The following LSAMP variants were observed in gnomAD, a reference collection of about 807,000 sequenced individuals.
LSAMP encodes the protein limbic system associated membrane protein, also known as limbic system-associated membrane protein.
In LSAMP, 7 loss-of-function variants were observed where a neutral mutation model predicts 38.6. The observed-to-expected ratio is 0.18, with a 90% CI of 0.10 to 0.34. LSAMP has a LOEUF of 0.34. Ranked by LOEUF, LSAMP falls within the 10% of genes least tolerant of loss-of-function variation. The pLI, the probability that LSAMP is intolerant of heterozygous loss-of-function variation, is 1.00. For synonymous variants in LSAMP, 154 were observed against 166.8 expected, an observed-to-expected ratio of 0.92 and a Z score of 0.59; for missense variants, 313 against 420.0, an observed-to-expected ratio of 0.75 and a Z score of 2.23.
intron 3 of LSAMP, among the ~76,000 whole-genome samples, chr3:115,901,183 G>A (rs1230401036): frequency 2.0e-5 from 3 of 152,056 alleles, no homozygotes; most frequent in African/African-American, 7.2e-5. Flanking sequence ...TTTGGGGTCT[G>A]AGAGTCTGTG....
chr3:116,349,797 T>C (rs115119791), intron 1 of LSAMP, among the ~76,000 whole-genome samples: 2,365 of 152,098 alleles, frequency 0.016, 40 homozygotes, highest in Non-Finnish European at 0.02. Context: ...AATACTAGCT[T>C]CACACAGGGT....
intron 1 of LSAMP, among the ~76,000 whole-genome samples, chr3:116,355,787 A>G (rs1232190530): frequency 6.6e-6 from 1 of 152,246 alleles, no homozygotes; most frequent in Non-Finnish European, 1.5e-5. Context: ...ACATTTCCCA[A>G]AGAAAACATA....
intron 1 of LSAMP, among the ~76,000 whole-genome samples, chr3:116,416,230 C>A (rs139872155): frequency 8.4e-4 from 128 of 152,244 alleles, no homozygotes; most frequent in African/African-American, 3.0e-3. Flanking sequence ...TACTTAATTG[C>A]TCTCTCTCCA....
chr3:116,291,383 C>T (rs952996827), intron 1 of LSAMP, among the ~76,000 whole-genome samples: 2 of 152,148 alleles, frequency 1.3e-5, no homozygotes, highest in Admixed American at 1.3e-4. Flanking sequence ...GGGCTCTAAT[C>T]CCAGATATGC....
intron 1 of LSAMP, among the ~76,000 whole-genome samples, chr3:116,110,479 C>T (rs188739540): frequency 2.0e-5 from 3 of 152,254 alleles, no homozygotes; most frequent in African/African-American, 4.8e-5. Flanking sequence ...CTGTGACCGG[C>T]GCCGGAGTTT....
At chr3:116,126,820 C>T (rs1479418536) in intron 1 of LSAMP, among the ~76,000 whole-genome samples, 1 of 152,054 alleles carries the variant, frequency 6.6e-6, no homozygotes, top group Non-Finnish European at 1.5e-5. Flanking sequence ...TGAGATCATG[C>T]CACTGCACTC....
chr3:115,958,922 T>C (rs74585496), intron 3 of LSAMP, among the ~76,000 whole-genome samples: 25,556 of 152,142 alleles, frequency 0.17, 2,640 homozygotes, highest in Admixed American at 0.23. Context: ...AGGAGGACTG[T>C]AGGCCACCCA....
intron 6 of LSAMP, among the ~76,000 whole-genome samples, chr3:115,839,760 C>T (rs1934936142): frequency 6.6e-6 from 1 of 152,182 alleles, no homozygotes; most frequent in Non-Finnish European, 1.5e-5. Flanking sequence ...GGAAGTACAT[C>T]ATTAATCACT....
chr3:116,305,838 A>G (rs891150897), intron 1 of LSAMP, among the ~76,000 whole-genome samples: 1 of 152,006 alleles, frequency 6.6e-6, no homozygotes, highest in Non-Finnish European at 1.5e-5. Context: ...GTGTGACACA[A>G]ATAAGAAACT....
chr3:116,252,766 G>A (rs911348861), intron 1 of LSAMP, among the ~76,000 whole-genome samples: 8 of 152,214 alleles, frequency 5.3e-5, no homozygotes, highest in African/African-American at 1.7e-4. Flanking sequence ...TCTGTAAATA[G>A]TGTGGTTTCG....
At chr3:116,233,463 A>C (rs2867103) in intron 1 of LSAMP, among the ~76,000 whole-genome samples, 1 of 147,666 alleles carries the variant, frequency 6.8e-6, no homozygotes, top group Non-Finnish European at 1.5e-5. Context: ...TATATATAAT[A>C]TTTCTTTGTG....
At chr3:116,284,973 T>A (rs955981206) in intron 1 of LSAMP, among the ~76,000 whole-genome samples, 12 of 152,212 alleles carry the variant, frequency 7.9e-5, no homozygotes, top group Non-Finnish European at 1.5e-4. Context: ...CATCTTTGCA[T>A]TGTGGTGAAG....
At chr3:115,927,674 C>T (rs1185923899) in intron 3 of LSAMP, among the ~76,000 whole-genome samples, 1 of 152,192 alleles carries the variant, frequency 6.6e-6, no homozygotes, top group African/African-American at 2.4e-5. Context: ...ACTTCCTGCT[C>T]TTCTTTAAAC....
intron 3 of LSAMP, among the ~76,000 whole-genome samples, chr3:115,858,279 C>A (rs1285439434): frequency 6.6e-6 from 1 of 152,044 alleles, no homozygotes; most frequent in Non-Finnish European, 1.5e-5. Context: ...CTAAGCAGAA[C>A]AGGACTAGCC....
chr3:116,151,714 C>G (rs1261769508), intron 1 of LSAMP, among the ~76,000 whole-genome samples: 1 of 151,960 alleles, frequency 6.6e-6, no homozygotes, highest in Non-Finnish European at 1.5e-5. Context: ...AGACCAAAAC[C>G]CAGGAACTTG....
At chr3:115,909,122 G>C (rs930753357) in intron 3 of LSAMP, among the ~76,000 whole-genome samples, 6 of 152,092 alleles carry the variant, frequency 3.9e-5, no homozygotes, top group Admixed American at 1.3e-4. Flanking sequence ...TCTGTCTAGG[G>C]CTGGGAATTG....
intron 1 of LSAMP, among the ~76,000 whole-genome samples, chr3:116,185,943 T>C (rs1461117): frequency 0.22 from 32,872 of 150,944 alleles, 3,683 homozygotes; most frequent in African/African-American, 0.25. Context: ...AGAAAAGTAA[T>C]GATTTTCTCC....
At chr3:115,876,378 A>G (rs1179125534) in intron 3 of LSAMP, among the ~76,000 whole-genome samples, 4 of 151,336 alleles carry the variant, frequency 2.6e-5, no homozygotes, top group African/African-American at 9.7e-5. Context: ...GACATTTTAC[A>G]CACTCTGACC....
At chr3:116,198,687 C>T (rs2045945578) in intron 1 of LSAMP, among the ~76,000 whole-genome samples, 1 of 148,180 alleles carries the variant, frequency 6.7e-6, no homozygotes, top group Non-Finnish European at 1.5e-5. Flanking sequence ...AGGAGAATGA[C>T]GTGAACTCGG....
Sources: gnomAD v4.1 joint callset for allele counts (sites outside exome capture counted in the v4.1 genomes callset) on GRCh38, gnomAD v4.1.1 for gene constraint, MANE v1.5 for transcripts, NCBI Gene and HGNC (gene_info 2026-07-23, HGNC 2026-07-21) for gene names.